ADGRA2: variants seen among roughly 807,000 people sequenced by gnomAD.
The protein encoded by ADGRA2 is adhesion G protein-coupled receptor A2, also known as G-protein coupled receptor 124.
In ADGRA2, 61 loss-of-function variants were observed where a neutral mutation model predicts 98.7. The ratio of observed to expected loss-of-function variants is 0.62; its 90% CI spans 0.50 to 0.76. ADGRA2 has a LOEUF of 0.76. Ranked by LOEUF, ADGRA2 falls within the 30% of genes least tolerant of loss-of-function variation. The probability of loss-of-function intolerance (pLI) is 0.00; values close to 1 mark genes in which losing one functional copy is unlikely to be tolerated. For missense variants in ADGRA2, 1,712 were observed against 1,860.0 expected (o/e 0.92, Z 1.46); for synonymous variants, 858 against 831.5 (o/e 1.03, Z -0.55).
Position 37,835,254 on chromosome 8 carries a change from G to C in ADGRA2, c.1689G>C (p.Arg563Ser). Residue 563 changes from arginine to serine, a missense_variant, in exon 12 of 19, where the codon AGG (arginine) becomes AGC (serine). Coordinates refer to ENST00000412232, the MANE Select transcript of ADGRA2 (RefSeq NM_032777.10). The part of the protein sequence containing the change: ...YVGLTCTAFQ[R>S]REGGVPGTRP... The stretch of plus-strand genomic sequence containing the variant: ...GCCTGACCTGCACAGCCTTCCAGAG[G>C]AGGGAGGGAGGGGTGCCGGGCACAC... 1 of 1,613,442 alleles carries C rather than the reference G, an allele frequency of 6.2e-7. No individual in the cohort carries two copies. The highest frequency in any genetic ancestry group is 2.2e-5 in the East Asian group (1 of 44,870).
intron 1 of ADGRA2, among the ~76,000 whole-genome samples, chr8:37,810,486 C>T: frequency 6.6e-6 from 1 of 151,070 alleles, no homozygotes; most frequent in East Asian, 2.0e-4. Context: ...TCCAGCCTGG[C>T]AACAGAGCAA....
At chr8:37,820,009 G>A (rs1482758382) in intron 2 of ADGRA2, among the ~76,000 whole-genome samples, 1 of 152,134 alleles carries the variant, frequency 6.6e-6, no homozygotes, top group African/African-American at 2.4e-5. Flanking sequence ...ACATGATTGT[G>A]GGGGCTGGCA....
chr8:37,808,104 C>T (rs978616852), intron 1 of ADGRA2, among the ~76,000 whole-genome samples: 11 of 152,138 alleles, frequency 7.2e-5, no homozygotes, highest in African/African-American at 1.9e-4. Context: ...GGACCCCAGC[C>T]GGGAGAGAGT....
At chr8:37,815,388 G>A (rs1325718652) in intron 2 of ADGRA2, among the ~76,000 whole-genome samples, 2 of 152,244 alleles carry the variant, frequency 1.3e-5, no homozygotes, top group African/African-American at 4.8e-5. Flanking sequence ...AAGCCCCAAG[G>A]GGGCTGAGGG....
intron 7 of ADGRA2, 86 bp from the exon 8 acceptor site, chr8:37,831,337 G>C: frequency 8.0e-7 from 1 of 1,246,274 alleles, no homozygotes. Context: ...AGGACCTGCA[G>C]CTAGTGTTGT....
intron 2 of ADGRA2, among the ~76,000 whole-genome samples, chr8:37,817,481 G>C (rs1307060317): frequency 6.7e-6 from 1 of 150,288 alleles, no homozygotes; most frequent in African/African-American, 2.4e-5. Context: ...GAGGCAGGCA[G>C]ATTGCTTGAG....
intron 2 of ADGRA2, among the ~76,000 whole-genome samples, chr8:37,816,954 AC>A (rs1805000148): frequency 6.6e-6 from 1 of 151,586 alleles, no homozygotes; most frequent in Admixed American, 6.6e-5. Context: ...ACACACACAC[AC>A]ACACACACAC....
intron 2 of ADGRA2, among the ~76,000 whole-genome samples, chr8:37,816,325 G>A (rs1459055305): frequency 6.6e-6 from 1 of 151,682 alleles, no homozygotes; most frequent in Non-Finnish European, 1.5e-5. Flanking sequence ...GGGCGCGGTG[G>A]CTCACACCTA....
chr8:37,825,184 C>T (rs1805233135), intron 2 of ADGRA2, among the ~76,000 whole-genome samples: 1 of 152,170 alleles, frequency 6.6e-6, no homozygotes, highest in African/African-American at 2.4e-5. Flanking sequence ...CGTGCTTCCA[C>T]AAGCTACTCT....
At chr8:37,805,357 C>G (rs1804628830) in intron 1 of ADGRA2, among the ~76,000 whole-genome samples, 1 of 152,188 alleles carries the variant, frequency 6.6e-6, no homozygotes, top group Admixed American at 6.5e-5. Context: ...GCAAATATAG[C>G]TTCTATGGAG....
rs757191897 is a variant in ADGRA2, at chr8:37,840,265, C to T, written c.2656C>T (p.Arg886Trp). ...TCTGCCTACTCCCAGTCCTATGCTC[C>T]GGTACATACTTTCAATTCCAGCTTT... ...PALPTPSPML[R>W]FYLIAGGIPL... The change falls in exon 17 of 19, where the codon CGG becomes TGG. Residue 886 changes from arginine to tryptophan, a missense_variant and splice_region_variant. Physicochemically the swap from Arg to Trp is moderately radical, Grantham distance 101. Coordinates refer to ENST00000412232, the MANE Select transcript of ADGRA2 (RefSeq NM_032777.10). 55 of 1,611,738 alleles carry T rather than the reference C, an allele frequency of 3.4e-5. No individual in the cohort carries two copies. Among genetic ancestry groups the T allele is most frequent in the Non-Finnish European group, 3.7e-5 (44 of 1,179,952 alleles).
intron 1 of ADGRA2, among the ~76,000 whole-genome samples, chr8:37,808,281 G>A (rs141783101): frequency 0.021 from 3,228 of 152,324 alleles, 54 homozygotes; most frequent in Middle Eastern, 0.075. Flanking sequence ...TGCCTGGCCA[G>A]GCCAGCCAGG....
In ADGRA2 at chr8:37,835,623, C is replaced by G. The variant is rs780827422; in HGVS notation, c.1903C>G (p.Pro635Ala). The G allele has an allele frequency of 1.9e-6, 3 of 1,612,908 alleles. No individual in the cohort carries two copies. The South Asian group carries it at 3.3e-5, about 18-fold the overall frequency. ...CTCATCCCTTCCGGCTGCCCTGGCT[C>G]CCCCGGTGCCCCCAGACTGCACCCT... ...LFSSLPAALAPPVPPDCTLQL... is the reference protein window; with the variant it reads ...LFSSLPAALAAPVPPDCTLQL... The change falls in exon 13 of 19, where the codon CCC becomes GCC. Residue 635 changes from proline (P) to alanine (A), a missense_variant. By Grantham distance (27) the Pro-to-Ala change is conservative. Transcript: ENST00000412232.
At chr8:37,815,263 G>GCT (rs1021890154) in intron 2 of ADGRA2, among the ~76,000 whole-genome samples, 4 of 152,250 alleles carry the variant, frequency 2.6e-5, no homozygotes, top group Admixed American at 1.3e-4. Flanking sequence ...TGAGGGCCGA[G>GCT]CTCTCGACTG....
chr8:37,809,579 C>A (rs1804768639), intron 1 of ADGRA2, among the ~76,000 whole-genome samples: 1 of 152,186 alleles, frequency 6.6e-6, no homozygotes, highest in Non-Finnish European at 1.5e-5. Context: ...AAGAAGGGGG[C>A]CCCTTGGAGG....
At chr8:37,832,869 CCCTGGAAGGCTGGTCTGAACCCCGCT>C in intron 8 of ADGRA2, 115 bp from the exon 9 acceptor site, 1 of 675,558 alleles carries the variant, frequency 1.5e-6, no homozygotes, top group Non-Finnish European at 2.6e-6. Context: ...ACTTGGGAAC[CCCTGGAAGGCTGGTCTGAACCCCGCT>C]CCTGGATCCC....
At chr8:37,840,699 C>A in intron 17 of ADGRA2, 61 bp from the exon 18 acceptor site, 1 of 859,612 alleles carries the variant, frequency 1.2e-6, no homozygotes, top group Non-Finnish European at 2.0e-6. Context: ...GGGCTCTAAG[C>A]ACCCAGTTCT....
In ADGRA2 at chr8:37,797,368, G is replaced by T. The variant is rs1176916512; in HGVS notation, c.100G>T (p.Ala34Ser). The part of the protein sequence containing the change: ...LLLLAPEARG[A>S]PGCPLSIRSC... The stretch of plus-strand genomic sequence containing the variant: ...GCTCCTGGCGCCCGAGGCTCGGGGC[G>T]CGCCCGGCTGCCCGCTATCCATCCG... The change falls in exon 1 of 19, where the codon GCG (alanine) becomes TCG (serine). Residue 34 changes from alanine (A) to serine (S), a missense_variant. Transcript: ENST00000412232. This position sits in a 1 kb window ranked among gnomAD's most constrained non-coding sequence, Gnocchi z 5.3. The T allele has an allele frequency of 1.3e-5, 18 of 1,422,590 alleles. No individual in the cohort carries two copies. The highest frequency in any genetic ancestry group is 2.8e-6 in the Non-Finnish European group (3 of 1,089,544). The allele number at this position is 1,422,590 out of a possible 1,614,324, so 88.1% of individuals were successfully genotyped here. A position where few individuals can be genotyped will look rare whatever the true frequency, so the allele number is the denominator to read the frequency against.
chr8:37,831,640 G>A (rs1348008035), intron 8 of ADGRA2, 53 bp downstream of exon 8: 1 of 1,537,668 alleles, frequency 6.5e-7, no homozygotes, highest in Non-Finnish European at 9.0e-7. Context: ...CCCCACCCTT[G>A]CACCTGACAT....
Sources: allele counts gnomAD v4.1 joint callset (sites outside exome capture counted in the v4.1 genomes callset), GRCh38; gene constraint gnomAD v4.1.1; non-coding constraint Gnocchi (gnomAD v3.1); transcripts MANE v1.5; gene names NCBI Gene and HGNC (gene_info 2026-07-23, HGNC 2026-07-21).